KIAA1217: variants seen among roughly 807,000 people sequenced by gnomAD.
The protein encoded by KIAA1217 is KIAA1217, also known as sickle tail protein homolog.
Under a neutral mutation model 163.9 loss-of-function variants are expected in KIAA1217, and 88 were observed. The ratio of observed to expected loss-of-function variants is 0.54; its 90% CI spans 0.45 to 0.64. The LOEUF (loss-of-function observed/expected upper bound fraction) is 0.64, where lower values mean the gene tolerates loss of function less well. Among genes scored for constraint, KIAA1217 ranks in the 30% least tolerant of loss-of-function variants. KIAA1217 has a pLI of 0.00. For synonymous variants in KIAA1217, 903 were observed against 923.1 expected (o/e 0.98, Z 0.39); for missense variants, 2,372 against 2,475.0 (o/e 0.96, Z 0.88).
intron 1 of KIAA1217, among the ~76,000 whole-genome samples, chr10:23,881,983 A>G (rs1335111446): frequency 6.6e-6 from 1 of 151,964 alleles, no homozygotes; most frequent in Non-Finnish European, 1.5e-5. Context: ...TGTGCTGCTT[A>G]TCTCTTTCAT....
chr10:24,405,785 C>A (rs1263085294), intron 3 of KIAA1217, among the ~76,000 whole-genome samples: 2 of 152,074 alleles, frequency 1.3e-5, no homozygotes, highest in African/African-American at 2.4e-5. Flanking sequence ...CAAGTTAGAG[C>A]GGTAAGTGGT....
intron 2 of KIAA1217, among the ~76,000 whole-genome samples, chr10:24,089,841 C>A (rs1274561772): frequency 2.0e-5 from 3 of 151,798 alleles, no homozygotes; most frequent in African/African-American, 7.3e-5. Flanking sequence ...TAGGAAGAAT[C>A]AATGTCATGA....
At chr10:24,032,829 C>T (rs1416811923) in intron 2 of KIAA1217, among the ~76,000 whole-genome samples, 1 of 152,124 alleles carries the variant, frequency 6.6e-6, no homozygotes, top group Non-Finnish European at 1.5e-5. Context: ...TAAGAAATAG[C>T]TTATTTTTAC....
At chr10:24,153,423 AG>A (rs1336842654) in intron 2 of KIAA1217, among the ~76,000 whole-genome samples, 1 of 152,244 alleles carries the variant, frequency 6.6e-6, no homozygotes, top group Non-Finnish European at 1.5e-5. Context: ...TATGTCTTTC[AG>A]AAGGCACTTG....
chr10:24,513,202 C>T, intron 9 of KIAA1217, 57 bp from the exon 10 acceptor site: 1 of 1,555,756 alleles, frequency 6.4e-7, no homozygotes, highest in Non-Finnish European at 8.8e-7. Flanking sequence ...AAGGCATTCA[C>T]TCGCCTCCAT....
rs118023109 is a variant in KIAA1217, at chr10:24,476,677, G to T, written c.1679+2617G>T. On this transcript the variant is annotated intron_variant, in intron 6 of 20. Transcript: ENST00000376454. ...TTCCCCATAATGTAAAATAGCACAG[G>T]AAAAATTTTATCTCATACATCTTGC... Among the ~76,000 whole-genome samples the T allele has an allele frequency of 4.1e-4, 62 of 152,170 alleles. 1 individual carries two copies. In the East Asian group the frequency reaches 0.011, roughly 27 times the overall value.
At chr10:24,508,309 T>C (rs889745603) in intron 9 of KIAA1217, among the ~76,000 whole-genome samples, 2 of 152,114 alleles carry the variant, frequency 1.3e-5, no homozygotes, top group Non-Finnish European at 2.9e-5. Context: ...GCATCAATGA[T>C]AAAAACAGCG....
intron 2 of KIAA1217, among the ~76,000 whole-genome samples, chr10:24,131,684 G>A (rs3955850): frequency 0.26 from 39,930 of 151,972 alleles, 5,673 homozygotes; most frequent in East Asian, 0.44. Flanking sequence ...AATTGTTCTA[G>A]GTTTCTTTGA....
chr10:24,185,038 A>C (rs1320353304), intron 2 of KIAA1217, among the ~76,000 whole-genome samples: 1 of 152,232 alleles, frequency 6.6e-6, no homozygotes, highest in Non-Finnish European at 1.5e-5. Flanking sequence ...TTTTTTAATC[A>C]ATAAAAGTTC....
chr10:24,515,265 AC>A (rs2069905788), intron 10 of KIAA1217, among the ~76,000 whole-genome samples: 1 of 151,912 alleles, frequency 6.6e-6, no homozygotes, highest in Non-Finnish European at 1.5e-5. Flanking sequence ...ACGGCGTTTC[AC>A]CATATTGGTC....
At chr10:23,797,764 G>T (rs575082063) in intron 1 of KIAA1217, among the ~76,000 whole-genome samples, 6 of 152,180 alleles carry the variant, frequency 3.9e-5, no homozygotes, top group Admixed American at 3.9e-4. Context: ...CTCCCACCAG[G>T]TCCCTCCCCC....
intron 5 of KIAA1217, among the ~76,000 whole-genome samples, chr10:24,459,068 A>AGAC (rs2062087029): frequency 6.6e-6 from 1 of 152,004 alleles, no homozygotes; most frequent in Non-Finnish European, 1.5e-5. Context: ...AATCTGATTT[A>AGAC]CTAAACTCTC....
intron 3 of KIAA1217, among the ~76,000 whole-genome samples, chr10:24,392,857 C>T (rs2055169714): frequency 6.6e-6 from 1 of 152,166 alleles, no homozygotes; most frequent in Non-Finnish European, 1.5e-5. Flanking sequence ...TCTTTTGTTT[C>T]CCTTTGCCAT....
chr10:24,254,578 G>C (rs915440302), intron 2 of KIAA1217, among the ~76,000 whole-genome samples: 1 of 152,148 alleles, frequency 6.6e-6, no homozygotes, highest in African/African-American at 2.4e-5. Flanking sequence ...TGTTGTTCTA[G>C]AAGCTCCAAC....
chr10:24,272,460 T>C (rs1312377806), intron 2 of KIAA1217, among the ~76,000 whole-genome samples: 1 of 152,202 alleles, frequency 6.6e-6, no homozygotes, highest in Non-Finnish European at 1.5e-5. Context: ...AGCAATCTGT[T>C]GTTGAAAGGA....
chr10:24,237,917 A>G (rs1430850277), intron 2 of KIAA1217, among the ~76,000 whole-genome samples: 1 of 152,228 alleles, frequency 6.6e-6, no homozygotes, highest in African/African-American at 2.4e-5. Flanking sequence ...CGGCAATGCA[A>G]CGCTTACAGA....
chr10:23,849,852 G>A (rs1045480605), intron 1 of KIAA1217, among the ~76,000 whole-genome samples: 3 of 151,952 alleles, frequency 2.0e-5, no homozygotes, highest in Non-Finnish European at 4.4e-5. Flanking sequence ...GACCGTCTTT[G>A]ATTGACCTTC....
intron 5 of KIAA1217, among the ~76,000 whole-genome samples, chr10:24,472,917 A>G (rs2063681863): frequency 6.6e-6 from 1 of 151,942 alleles, no homozygotes; most frequent in Non-Finnish European, 1.5e-5. Flanking sequence ...TTCTCATAGC[A>G]CCTTCCAAAC....
chr10:24,301,450 G>A (rs1293723643), intron 2 of KIAA1217, among the ~76,000 whole-genome samples: 1 of 152,138 alleles, frequency 6.6e-6, no homozygotes, highest in Non-Finnish European at 1.5e-5. Flanking sequence ...CTGGAAAACT[G>A]AAATTTAATT....
Sources: gnomAD v4.1 joint callset for allele counts (sites outside exome capture counted in the v4.1 genomes callset) on GRCh38, gnomAD v4.1.1 for gene constraint, MANE v1.5 for transcripts, NCBI Gene and HGNC (gene_info 2026-07-23, HGNC 2026-07-21) for gene names.